The following TMEM178B variants were observed in gnomAD, a reference collection of about 807,000 sequenced individuals.
The protein encoded by TMEM178B is transmembrane protein 178B.
TMEM178B carries 5 observed loss-of-function variants against 31.0 expected under a neutral mutation model. The ratio of observed to expected loss-of-function variants is 0.16; its 90% CI spans 0.08 to 0.34. The LOEUF (loss-of-function observed/expected upper bound fraction) is 0.34, where lower values mean the gene tolerates loss of function less well. Among genes scored for constraint, TMEM178B ranks in the 10% least tolerant of loss-of-function variants. TMEM178B has a pLI of 1.00. For missense variants in TMEM178B, 275 were observed against 400.3 expected (o/e 0.69, Z 2.67); for synonymous variants, 164 against 164.0 (o/e 1.00, Z 0.00).
intron 1 of TMEM178B, among the ~76,000 whole-genome samples, chr7:141,208,304 A>T (rs7805383): frequency 6.6e-6 from 1 of 151,974 alleles, no homozygotes; most frequent in African/African-American, 2.4e-5. Context: ...TTCTAGAGGG[A>T]GAGCAGAGAC....
At chr7:141,288,809 T>G (rs1176825658) in intron 2 of TMEM178B, among the ~76,000 whole-genome samples, 1 of 152,226 alleles carries the variant, frequency 6.6e-6, no homozygotes, top group Non-Finnish European at 1.5e-5. Flanking sequence ...ATTTCTTGGC[T>G]TGTTCCTTAC....
At chr7:141,305,047 A>G (rs1798793159) in intron 2 of TMEM178B, among the ~76,000 whole-genome samples, 1 of 152,170 alleles carries the variant, frequency 6.6e-6, no homozygotes, top group South Asian at 2.1e-4. Context: ...ACACTGTCCT[A>G]TGCTATTGCC....
At chr7:141,244,321 G>A (rs1018321306) in intron 2 of TMEM178B, among the ~76,000 whole-genome samples, 2 of 152,160 alleles carry the variant, frequency 1.3e-5, no homozygotes, top group African/African-American at 4.8e-5. Flanking sequence ...TGATACTATG[G>A]CAAATAAATG....
chr7:141,240,633 A>T (rs1172971797), intron 2 of TMEM178B, among the ~76,000 whole-genome samples: 4 of 152,266 alleles, frequency 2.6e-5, no homozygotes, highest in Non-Finnish European at 5.9e-5. Context: ...TTGCATTTTA[A>T]TACCGAAGAG....
intron 1 of TMEM178B, among the ~76,000 whole-genome samples, chr7:141,137,428 G>A (rs59390691): frequency 1.3e-5 from 2 of 152,260 alleles, no homozygotes; most frequent in East Asian, 3.9e-4. Flanking sequence ...GGATGGAACC[G>A]AAGGTCATTA....
At chr7:141,229,412 A>G (rs1009157947) in intron 2 of TMEM178B, among the ~76,000 whole-genome samples, 6 of 151,974 alleles carry the variant, frequency 3.9e-5, no homozygotes, top group African/African-American at 1.2e-4. Context: ...CTTCCCTGTA[A>G]CCACCTACCC....
intron 3 of TMEM178B, among the ~76,000 whole-genome samples, chr7:141,440,464 C>T (rs1387761978): frequency 1.3e-5 from 2 of 151,778 alleles, no homozygotes; most frequent in African/African-American, 2.4e-5. Flanking sequence ...TTCTTTCTAG[C>T]GCTAATATTT....
the TMEM178B span, among the ~76,000 whole-genome samples, chr7:141,500,846 G>T: frequency 6.6e-6 from 1 of 152,166 alleles, no homozygotes; most frequent in African/African-American, 2.4e-5. Flanking sequence ...AAAGATCTTT[G>T]CCAAGGACAG....
the TMEM178B span, among the ~76,000 whole-genome samples, chr7:141,491,807 T>C: frequency 1.3e-5 from 2 of 152,122 alleles, no homozygotes; most frequent in Admixed American, 6.5e-5. Flanking sequence ...AAGCAAAACA[T>C]AAAAGCACTT....
rs765431573 is a variant in TMEM178B at position 141,212,667 on chromosome 7, C to T, written c.459C>T (p.Ile153=). 167 of 1,535,996 alleles carry T rather than the reference C, an allele frequency of 1.1e-4. No homozygotes were observed. The highest frequency in any genetic ancestry group is 1.4e-4 in the Non-Finnish European group (164 of 1,146,910). The change falls in exon 2 of 4, where the codon ATC becomes ATT. Residue 153 remains isoleucine, a synonymous_variant. Transcript: ENST00000565468. ...TCCCCAGGAACCTCACTTTCAATATCACGAAGACCATCCGTCAGGATGAGT... is the reference window on the plus strand; with the variant it reads ...TCCCCAGGAACCTCACTTTCAATATTACGAAGACCATCCGTCAGGATGAGT... ...ATIPRNLTFN[I]TKTIRQDEWH...
intron 1 of TMEM178B, among the ~76,000 whole-genome samples, chr7:141,176,862 G>A (rs1796442846): frequency 1.3e-5 from 2 of 151,860 alleles, no homozygotes; most frequent in Non-Finnish European, 2.9e-5. Context: ...TATTAGTCTG[G>A]CTAGTGGCCT....
chr7:141,336,399 T>C (rs544054481), intron 2 of TMEM178B, among the ~76,000 whole-genome samples: 1 of 152,252 alleles, frequency 6.6e-6, no homozygotes, highest in South Asian at 2.1e-4. Context: ...CAGAGATCAG[T>C]CAGGAGGAGA....
rs58548651 is a variant in TMEM178B, at chr7:141,475,788, C to CT, written c.*5013dup. 2.0e-3 allele frequency: 296 copies of CT among 146,548 alleles called. 3 individuals are homozygous for CT. The South Asian group carries it at 0.038, about 19-fold the overall frequency. 9.1% of individuals were successfully genotyped at this position (146,548 alleles called of 1,614,324 possible). ...TGCTTTCCTTCCTTCCTTTTCTTTC[C>CT]TTTTTTTTTTTGGTCAGTTGCCATC... On this transcript the variant is annotated 3_prime_UTR_variant, in exon 4 of 4. Coordinates refer to ENST00000565468, the MANE Select transcript of TMEM178B (RefSeq NM_001195278.2).
intron 1 of TMEM178B, among the ~76,000 whole-genome samples, chr7:141,157,799 C>T (rs920570556): frequency 6.6e-6 from 1 of 152,188 alleles, no homozygotes; most frequent in Non-Finnish European, 1.5e-5. Context: ...GTTAGTTTCT[C>T]CTTCTTGCTC....
the TMEM178B span, among the ~76,000 whole-genome samples, chr7:141,503,087 G>T: frequency 2.0e-5 from 3 of 152,276 alleles, no homozygotes; most frequent in African/African-American, 7.2e-5. Context: ...CTATCTGGCA[G>T]TTAGCAGAAC....
intron 2 of TMEM178B, among the ~76,000 whole-genome samples, chr7:141,214,518 T>C (rs542026497): frequency 1.4e-4 from 22 of 152,220 alleles, no homozygotes; most frequent in Non-Finnish European, 2.4e-4. Context: ...ATTTGGAAAT[T>C]TTTTAGCAAG....
intron 3 of TMEM178B, among the ~76,000 whole-genome samples, chr7:141,454,293 A>G (rs1801921235): frequency 6.6e-6 from 1 of 152,132 alleles, no homozygotes; most frequent in Non-Finnish European, 1.5e-5. Flanking sequence ...CCCATGTCAT[A>G]AAGTAGGAAA....
intron 2 of TMEM178B, among the ~76,000 whole-genome samples, chr7:141,232,160 A>G (rs754640714): frequency 2.0e-5 from 3 of 152,222 alleles, no homozygotes; most frequent in Non-Finnish European, 4.4e-5. Context: ...TTATGGCTGC[A>G]TAGTATTCCA....
intron 2 of TMEM178B, among the ~76,000 whole-genome samples, chr7:141,263,526 A>G (rs894447323): frequency 6.6e-6 from 1 of 152,228 alleles, no homozygotes; most frequent in African/African-American, 2.4e-5. Flanking sequence ...AGGCTGGGGT[A>G]GGGGAAAGGT....
Sources: gnomAD v4.1 joint callset for allele counts (sites outside exome capture counted in the v4.1 genomes callset) on GRCh38, gnomAD v4.1.1 for gene constraint, MANE v1.5 for transcripts, NCBI Gene and HGNC (gene_info 2026-07-23, HGNC 2026-07-21) for gene names.